TM6SF1: variants seen among roughly 807,000 people sequenced by gnomAD.
TM6SF1 encodes the protein transmembrane 6 superfamily member 1.
In TM6SF1, 43 loss-of-function variants were observed where a neutral mutation model predicts 47.1. The observed-to-expected ratio is 0.91, with a 90% confidence interval of 0.72 to 1.18. The LOEUF (loss-of-function observed/expected upper bound fraction) is 1.18. Ranked by LOEUF, TM6SF1 falls within the 50% of genes most tolerant of loss-of-function variation. The pLI is 0.00. For synonymous variants in TM6SF1, 177 were observed against 166.3 expected (o/e 1.06, Z -0.49); for missense variants, 390 against 449.0 (o/e 0.87, Z 1.19).
At position 83,136,658 on chromosome 15, in the gene TM6SF1, G is replaced by A. The variant is rs1207147755; in HGVS notation, c.1099G>A (p.Glu367Lys). 3 of 1,591,400 alleles carry A rather than the reference G, an allele frequency of 1.9e-6. No homozygotes were observed. The highest frequency in any genetic ancestry group is 2.2e-5 in the East Asian group (1 of 44,764). ...PEFFIKTKAE[E>K]KVE ...GTTCTTCATAAAAACAAAGGCAGAA[G>A]AAAAAGTGGAATAAAAATATTACTT... is the stretch of plus-strand genomic sequence containing the variant. Residue 367 changes from glutamate to lysine, a missense_variant, in exon 10 of 10, where the codon GAA becomes AAA. By Grantham distance (56) the Glu-to-Lys change is moderately conservative. Coordinates refer to ENST00000322019, the MANE Select transcript of TM6SF1 (RefSeq NM_023003.5).
chr15:83,117,537 G>C lies in TM6SF1; in HGVS notation c.294+1595G>C, dbSNP rs59185857. Among the ~76,000 whole-genome samples, 1,472 of 152,302 alleles carry C rather than the reference G, an allele frequency of 9.7e-3. 24 individuals carry two copies. Among genetic ancestry groups the C allele is most frequent in the African/African-American group, 0.033 (1,372 of 41,556 alleles). On this transcript the variant is annotated intron_variant, in intron 3 of 9. Coordinates refer to ENST00000322019, the MANE Select transcript of TM6SF1 (RefSeq NM_023003.5). ...GGCCAAGAGGCAGAAGGAAAACCTG[G>C]AGAGTGGGGGCCATGGAGCCCAGAG...
chr15:83,131,808 A>T (rs1023949963), intron 9 of TM6SF1: 1 of 152,244 alleles, frequency 6.6e-6, no homozygotes, highest in African/African-American at 2.4e-5. Flanking sequence ...GGACTTACTC[A>T]TAACCCAGGT....
chr15:83,109,064 C>T (rs2033919356), intron 1 of TM6SF1, among the ~76,000 whole-genome samples: 1 of 152,206 alleles, frequency 6.6e-6, no homozygotes, highest in Admixed American at 6.5e-5. Context: ...GGTGACATAG[C>T]TATGAACAAG....
chr15:83,123,820 C>T (rs1015165570), intron 6 of TM6SF1, among the ~76,000 whole-genome samples: 3 of 152,204 alleles, frequency 2.0e-5, no homozygotes, highest in African/African-American at 7.2e-5. Context: ...ATGAGGCATG[C>T]AGAATTACTT....
At chr15:83,127,317 C>G (rs1198731881) in intron 8 of TM6SF1, 41 bp from the exon 9 acceptor site, 3 of 1,530,740 alleles carry the variant, frequency 2.0e-6, no homozygotes, top group Non-Finnish European at 2.6e-6. Context: ...GCCAAGTTAA[C>G]TGCCAATTTG....
At chr15:83,110,115 C>T (rs2034012064) in intron 1 of TM6SF1, among the ~76,000 whole-genome samples, 1 of 152,098 alleles carries the variant, frequency 6.6e-6, no homozygotes, top group Admixed American at 6.5e-5. Context: ...CCCACCAAAC[C>T]TTTTATGCAA....
At chr15:83,122,967 T>C in intron 6 of TM6SF1, 89 bp downstream of exon 6, 4 of 1,472,660 alleles carry the variant, frequency 2.7e-6, no homozygotes, top group Admixed American at 4.0e-5. Flanking sequence ...CATGCCTCTG[T>C]GGACTGGAGC....
At chr15:83,124,420 A>G (rs2035548076) in intron 6 of TM6SF1, among the ~76,000 whole-genome samples, 1 of 152,112 alleles carries the variant, frequency 6.6e-6, no homozygotes, top group African/African-American at 2.4e-5. Flanking sequence ...TCATTTCAAG[A>G]AAAAAAGTGG....
intron 1 of TM6SF1, among the ~76,000 whole-genome samples, chr15:83,110,418 G>A (rs904475007): frequency 4.6e-5 from 7 of 152,098 alleles, no homozygotes; most frequent in Middle Eastern, 3.2e-3. Flanking sequence ...GGGTCTCTGG[G>A]GACAGTGCCA....
chr15:83,130,534 A>G (rs1169089352), intron 9 of TM6SF1: 3 of 152,248 alleles, frequency 2.0e-5, no homozygotes, highest in African/African-American at 7.2e-5. Flanking sequence ...GATCCTGTAA[A>G]TGTCAGAAGG....
rs147247287 is a variant in TM6SF1 at position 83,119,579 on chromosome 15, G to A, written c.296G>A (p.Gly99Asp). The A allele has an allele frequency of 6.8e-6, 11 of 1,614,058 alleles. No homozygotes were observed. The African/African-American group carries it at 1.5e-4, about 22-fold the overall frequency. Residue 99 changes from glycine to aspartate, a missense_variant and splice_region_variant, in exon 4 of 10, where the codon GGT (glycine) becomes GAT (aspartate). Coordinates refer to ENST00000322019, the MANE Select transcript of TM6SF1 (RefSeq NM_023003.5). ...DGFMTHYLRE[G>D]EPYLNTAYGH... The stretch of plus-strand genomic sequence containing the variant: ...ACTTCTTTTTAATGCTTTCTTTAGG[G>A]TGAACCGTATCTGAACACCGCATAT...
chr15:83,118,354 A>T (rs2034893313), intron 3 of TM6SF1, among the ~76,000 whole-genome samples: 3 of 152,052 alleles, frequency 2.0e-5, no homozygotes, highest in Admixed American at 2.0e-4. Flanking sequence ...AGTTGAAAGG[A>T]CCTGTGGCCT....
In TM6SF1 at chr15:83,115,848, A is replaced by G. The variant is rs1253242856; in HGVS notation, c.200A>G (p.Tyr67Cys). ...ACTGCTGCTTTCTTTGCTCTAGTGT[A>G]TGCAGTTTTTGGATTTACCAGCGTG... ...KPPRDPLFYV[Y>C]AVFGFTSVVN... Residue 67 changes from tyrosine to cysteine, a missense_variant, in exon 3 of 10, where the codon TAT (tyrosine) becomes TGT (cysteine). By Grantham distance (194) the Tyr-to-Cys change is radical. Coordinates refer to ENST00000322019, the MANE Select transcript of TM6SF1 (RefSeq NM_023003.5). The G allele has an allele frequency of 6.2e-7, 1 of 1,611,988 alleles. No individual in the cohort carries two copies. The highest frequency in any genetic ancestry group is 1.7e-5 in the Admixed American group (1 of 60,020).
chr15:83,118,233 ACACACACACACAC>A (rs2034874259), intron 3 of TM6SF1, among the ~76,000 whole-genome samples: 1 of 62,194 alleles, frequency 1.6e-5, no homozygotes, highest in African/African-American at 1.1e-4. Context: ...CTGTACGTAC[ACACACACACACAC>A]ACACACACAC....
rs367877533 is a variant in TM6SF1 at position 83,136,719 on chromosome 15, T to C, written c.*47T>C. On this transcript the variant is annotated 3_prime_UTR_variant, in exon 10 of 10. Coordinates refer to ENST00000322019, the MANE Select transcript of TM6SF1 (RefSeq NM_023003.5). Reference sequence around the variant, plus strand: ...CTTTCTAAATTACTAACTTTTGTTATACTGGTACTGATATTTTGTCCCATT... The same window carrying C: ...CTTTCTAAATTACTAACTTTTGTTACACTGGTACTGATATTTTGTCCCATT... The C allele has an allele frequency of 1.4e-6, 2 of 1,480,702 alleles. No homozygotes were observed. Among genetic ancestry groups the C allele is most frequent in the Admixed American group, 4.1e-5 (2 of 49,046 alleles). The allele number at this position is 1,480,702 out of a possible 1,614,324, so 91.7% of individuals were successfully genotyped here.
intron 9 of TM6SF1, chr15:83,127,774 G>C: frequency 3.2e-6 from 1 of 315,872 alleles, no homozygotes. Flanking sequence ...TGTTTTATTG[G>C]ACTGTTTCAC....
intron 9 of TM6SF1, chr15:83,129,491 A>G (rs1303864821): frequency 2.6e-5 from 4 of 152,116 alleles, no homozygotes; most frequent in Admixed American, 6.5e-5. Flanking sequence ...TAGCTCTGGG[A>G]AAAAAACCCC....
chr15:83,112,879 C>T lies in TM6SF1; in HGVS notation c.175C>T (p.Pro59Ser), dbSNP rs1989. The T allele has an allele frequency of 0.086, 138,615 of 1,613,484 alleles. 6,777 individuals are homozygous for T. Among genetic ancestry groups the T allele is most frequent in the Middle Eastern group, 0.15 (890 of 6,060 alleles). Residue 59 changes from proline (P) to serine (S), a missense_variant, in exon 2 of 10, where the codon CCC becomes TCC. Pro to Ser is a moderately conservative substitution (Grantham distance 74). Transcript: ENST00000322019. ...LARVLVKRKP[P>S]RDPLFYVYAV... ...TCGTGTCCTCGTCAAAAGAAAACCA[C>T]CCCGGGACCCACTGTTCTATGGTAC...
intron 2 of TM6SF1, chr15:83,115,542 A>G: frequency 2.0e-6 from 1 of 501,210 alleles, no homozygotes; most frequent in South Asian, 1.8e-5. Context: ...AGGGGAGTGG[A>G]GGATGGGTGG....
Sources: allele counts gnomAD v4.1 joint callset (sites outside exome capture counted in the v4.1 genomes callset), GRCh38; gene constraint gnomAD v4.1.1; transcripts MANE v1.5; gene names NCBI Gene and HGNC (gene_info 2026-07-23, HGNC 2026-07-21).